PDE11A: variants seen among roughly 807,000 people sequenced by gnomAD.
PDE11A encodes the protein dual 3',5'-cyclic-AMP and -GMP phosphodiesterase 11A.
Under a neutral mutation model 100.5 loss-of-function variants are expected in PDE11A, and 100 were observed. That is an observed-to-expected ratio of 1.00 (90% CI 0.85 to 1.18). PDE11A has a LOEUF of 1.18. Among genes scored for constraint, PDE11A ranks in the 50% most tolerant of loss-of-function variants. The probability of loss-of-function intolerance (pLI) is 0.00; values close to 1 mark genes in which losing one functional copy is unlikely to be tolerated. For missense variants in PDE11A, 1,141 were observed against 1,152.6 expected (o/e 0.99, Z 0.15); for synonymous variants, 381 against 420.8 (o/e 0.91, Z 1.16).
At chr2:178,034,366 T>C in intron 1 of PDE11A, among the ~76,000 whole-genome samples, 1 of 152,170 alleles carries the variant, frequency 6.6e-6, no homozygotes, top group East Asian at 1.9e-4. Flanking sequence ...AGCACTCAGA[T>C]TCATAAAAGA....
chr2:177,705,405 G>A (rs185250651), intron 13 of PDE11A, among the ~76,000 whole-genome samples: 1 of 152,246 alleles, frequency 6.6e-6, no homozygotes, highest in African/African-American at 2.4e-5. Context: ...GAAGAGAAGA[G>A]AATCCAAATT....
chr2:177,713,873 C>T (rs2081392722), intron 12 of PDE11A, among the ~76,000 whole-genome samples: 1 of 151,690 alleles, frequency 6.6e-6, no homozygotes, highest in Admixed American at 6.6e-5. Context: ...AGACTTAGAA[C>T]TAAAAATCAG....
chr2:177,951,808 A>G (rs1376678380), intron 2 of PDE11A, among the ~76,000 whole-genome samples: 2 of 152,228 alleles, frequency 1.3e-5, no homozygotes, highest in African/African-American at 4.8e-5. Context: ...CGTACTTGGC[A>G]GAAACAAACT....
At chr2:177,963,722 T>C (rs1257231726) in intron 2 of PDE11A, among the ~76,000 whole-genome samples, 2 of 152,174 alleles carry the variant, frequency 1.3e-5, no homozygotes, top group African/African-American at 2.4e-5. Flanking sequence ...AGCACAAGTA[T>C]AGGGCAAATT....
At chr2:177,881,559 C>G (rs2084343419) in intron 4 of PDE11A, among the ~76,000 whole-genome samples, 1 of 152,182 alleles carries the variant, frequency 6.6e-6, no homozygotes, top group Non-Finnish European at 1.5e-5. Context: ...ATACATGTGG[C>G]ATTAGTCCGT....
At chr2:177,779,928 G>A (rs572858301) in intron 9 of PDE11A, among the ~76,000 whole-genome samples, 39 of 152,312 alleles carry the variant, frequency 2.6e-4, no homozygotes, top group Middle Eastern at 3.4e-3. Context: ...ATGTATGGCA[G>A]CTACAGCCTT....
intron 5 of PDE11A, among the ~76,000 whole-genome samples, chr2:177,850,617 A>C (rs1255895511): frequency 6.6e-6 from 1 of 152,198 alleles, no homozygotes; most frequent in African/African-American, 2.4e-5. Context: ...AATGGGAGAA[A>C]ATTTTTACAA....
chr2:178,019,935 T>C (rs1030807201), intron 1 of PDE11A, among the ~76,000 whole-genome samples: 7 of 152,214 alleles, frequency 4.6e-5, no homozygotes, highest in African/African-American at 1.7e-4. Flanking sequence ...AAGTGCATCT[T>C]TGACCAAAAT....
At chr2:177,631,647 A>ATG (rs1351984895) in intron 19 of PDE11A, among the ~76,000 whole-genome samples, 5 of 137,598 alleles carry the variant, frequency 3.6e-5, no homozygotes, top group African/African-American at 1.5e-4. Context: ...ATACATATAT[A>ATG]TGTGTGTGTA....
At chr2:177,749,648 T>C (rs2082001309) in intron 10 of PDE11A, among the ~76,000 whole-genome samples, 1 of 152,172 alleles carries the variant, frequency 6.6e-6, no homozygotes. Context: ...AGTTGTTTAA[T>C]GATTAAATTA....
intron 18 of PDE11A, among the ~76,000 whole-genome samples, chr2:177,667,748 T>C (rs2080611464): frequency 1.3e-5 from 2 of 152,198 alleles, no homozygotes; most frequent in Admixed American, 1.3e-4. Context: ...TACTCATTGC[T>C]GGAAACAAGG....
In PDE11A at chr2:177,898,199, C is replaced by T; in HGVS notation, c.1162-1G>A. The T allele has an allele frequency of 6.2e-7, 1 of 1,604,902 alleles. No homozygotes were observed. Among genetic ancestry groups the T allele is most frequent in the Non-Finnish European group, 8.5e-7 (1 of 1,171,856 alleles). On this transcript the variant is annotated splice_acceptor_variant, in intron 3 of 19. Coordinates refer to ENST00000286063, the MANE Select transcript of PDE11A (RefSeq NM_016953.4). LOFTEE classifies it high-confidence loss of function. Reference sequence around the variant, plus strand: ...GGTCATTAACCACCTCTAGCAAAGCCTAGAAAAGATGAAATAGATGTATAT... The same window carrying T: ...GGTCATTAACCACCTCTAGCAAAGCTTAGAAAAGATGAAATAGATGTATAT...
chr2:177,674,434 A>T (rs1341622861), intron 17 of PDE11A, among the ~76,000 whole-genome samples: 1 of 152,200 alleles, frequency 6.6e-6, no homozygotes, highest in South Asian at 2.1e-4. Context: ...TGCCTCTTCC[A>T]GTTTTCCTTT....
rs201945280 is a variant in PDE11A at position 177,663,948 on chromosome 2, G to T, written c.2564C>A (p.Ala855Glu). The T allele has an allele frequency of 3.7e-6, 6 of 1,605,150 alleles. No individual in the cohort carries two copies. The highest frequency in any genetic ancestry group is 5.1e-6 in the Non-Finnish European group (6 of 1,172,076). Residue 855 changes from alanine to glutamate, a missense_variant and splice_region_variant, in exon 19 of 20, where the codon GCA (alanine) becomes GAA (glutamate). By Grantham distance (107) the Ala-to-Glu change is moderately radical. Coordinates refer to ENST00000286063, the MANE Select transcript of PDE11A (RefSeq NM_016953.4). Reference protein sequence around the residue: ...ERLELKLTPSAIFDRNRKDEL... With the variant: ...ERLELKLTPSEIFDRNRKDEL... ...ATCCTTCCGGTTCCGATCAAAAATT[G>T]CCTAGAATGGGGGGCAGGAAGAACC...
chr2:178,017,237 T>C (rs906547814), intron 1 of PDE11A, among the ~76,000 whole-genome samples: 2 of 152,250 alleles, frequency 1.3e-5, no homozygotes, highest in Admixed American at 6.5e-5. Context: ...TTTTTCCAAA[T>C]ATATAGAAGA....
chr2:177,805,228 C>T (rs2082852612), intron 9 of PDE11A, among the ~76,000 whole-genome samples: 1 of 151,904 alleles, frequency 6.6e-6, no homozygotes, highest in African/African-American at 2.4e-5. Context: ...TTACCTAAAA[C>T]CCCAGTAGAG....
intron 9 of PDE11A, among the ~76,000 whole-genome samples, chr2:177,801,375 C>T (rs1164233918): frequency 6.6e-6 from 1 of 152,028 alleles, no homozygotes; most frequent in Admixed American, 6.6e-5. Context: ...ACTGCTGAGT[C>T]CTCGGTATGG....
intron 13 of PDE11A, among the ~76,000 whole-genome samples, chr2:177,704,994 C>A (rs2081258023): frequency 6.6e-6 from 1 of 152,134 alleles, no homozygotes; most frequent in African/African-American, 2.4e-5. Context: ...ACATGCACCA[C>A]CACGCTTAGC....
At chr2:177,927,681 G>A (rs1160030213) in intron 2 of PDE11A, among the ~76,000 whole-genome samples, 1 of 152,182 alleles carries the variant, frequency 6.6e-6, no homozygotes, top group South Asian at 2.1e-4. Context: ...CTTTGCATTA[G>A]TTTGTCTACC....
Sources: gnomAD v4.1 joint callset for allele counts (sites outside exome capture counted in the v4.1 genomes callset) on GRCh38, gnomAD v4.1.1 for gene constraint, MANE v1.5 for transcripts, NCBI Gene and HGNC (gene_info 2026-07-23, HGNC 2026-07-21) for gene names.